NRXN3: variants seen among roughly 807,000 people sequenced by gnomAD.
NRXN3 encodes the protein neurexin III.
NRXN3 carries 32 observed loss-of-function variants against 137.6 expected under a neutral mutation model. The observed-to-expected ratio is 0.23, with a 90% CI of 0.18 to 0.31. The LOEUF (loss-of-function observed/expected upper bound fraction) is 0.31. NRXN3 is among the 10% of genes least tolerant of loss of function. NRXN3 has a pLI of 1.00. For missense variants in NRXN3, 1,574 were observed against 2,062.5 expected, an observed-to-expected ratio of 0.76 and a Z score of 4.59; for synonymous variants, 798 against 784.5, an observed-to-expected ratio of 1.02 and a Z score of -0.29.
chr14:78,938,881 G>A (rs901578281), intron 10 of NRXN3, among the ~76,000 whole-genome samples: 1 of 129,306 alleles, frequency 7.7e-6, no homozygotes, highest in African/African-American at 3.4e-5. Context: ...GAGTCTCGCT[G>A]TCGCCCAGGC....
chr14:79,319,486 A>G (rs1230570128), intron 15 of NRXN3, among the ~76,000 whole-genome samples: 1 of 152,192 alleles, frequency 6.6e-6, no homozygotes, highest in Non-Finnish European at 1.5e-5. Flanking sequence ...TAAATTAACA[A>G]TTAGCATTTA....
intron 15 of NRXN3, among the ~76,000 whole-genome samples, chr14:79,365,803 G>T (rs546147855): frequency 3.4e-5 from 5 of 147,880 alleles, no homozygotes; most frequent in Non-Finnish European, 5.9e-5. Context: ...GGCACAAATT[G>T]CACTAATAAC....
chr14:79,501,572 A>T (rs1005093332), intron 16 of NRXN3, among the ~76,000 whole-genome samples: 4 of 152,182 alleles, frequency 2.6e-5, no homozygotes, highest in Non-Finnish European at 5.9e-5. Context: ...CCTGATAGCT[A>T]CAAAAATGAG....
chr14:79,170,403 A>T (rs1430324293), intron 15 of NRXN3, among the ~76,000 whole-genome samples: 3 of 152,122 alleles, frequency 2.0e-5, no homozygotes, highest in Admixed American at 2.0e-4. Context: ...CTAGATATAC[A>T]TGTGTCCATA....
intron 3 of NRXN3, among the ~76,000 whole-genome samples, chr14:78,290,187 G>A (rs1294166362): frequency 6.6e-6 from 1 of 152,170 alleles, no homozygotes; most frequent in Non-Finnish European, 1.5e-5. Context: ...TTTTATTCTG[G>A]TAGGTAGAGG....
At chr14:78,832,345 G>A (rs2098984848) in intron 10 of NRXN3, among the ~76,000 whole-genome samples, 1 of 152,160 alleles carries the variant, frequency 6.6e-6, no homozygotes, top group African/African-American at 2.4e-5. Context: ...TTACTACTTA[G>A]CTGGATGTTT....
At chr14:78,299,973 C>A (rs545014114) in intron 4 of NRXN3, among the ~76,000 whole-genome samples, 8 of 152,258 alleles carry the variant, frequency 5.3e-5, no homozygotes, top group African/African-American at 1.9e-4. Context: ...GACTGCATTC[C>A]TCTTCCTTTC....
chr14:79,568,311 GA>G (rs1406796485), intron 16 of NRXN3, among the ~76,000 whole-genome samples: 1 of 152,158 alleles, frequency 6.6e-6, no homozygotes, highest in Non-Finnish European at 1.5e-5. Flanking sequence ...GGAAATCACT[GA>G]GTTGAAACTT....
intron 15 of NRXN3, among the ~76,000 whole-genome samples, chr14:79,083,021 C>T (rs2047367383): frequency 6.6e-6 from 1 of 152,142 alleles, no homozygotes; most frequent in Non-Finnish European, 1.5e-5. Flanking sequence ...ATTGATACAA[C>T]ATTTTTTCTG....
chr14:78,530,075 C>T (rs1360193105), intron 4 of NRXN3, among the ~76,000 whole-genome samples: 2 of 152,014 alleles, frequency 1.3e-5, no homozygotes, highest in African/African-American at 2.4e-5. Context: ...GGCCAAAAGC[C>T]CCACATTTCA....
intron 15 of NRXN3, among the ~76,000 whole-genome samples, chr14:79,303,557 A>G (rs715697): frequency 0.024 from 3,706 of 152,144 alleles, 94 homozygotes; most frequent in South Asian, 0.078. Context: ...TATTTTTTAG[A>G]CATCATGTCA....
At chr14:78,561,899 A>G (rs2096789550) in intron 4 of NRXN3, among the ~76,000 whole-genome samples, 1 of 152,198 alleles carries the variant, frequency 6.6e-6, no homozygotes, top group South Asian at 2.1e-4. Flanking sequence ...CCAAGGAGGC[A>G]TAGGAGTTTA....
At chr14:79,766,101 A>C (rs575841756) in intron 19 of NRXN3, among the ~76,000 whole-genome samples, 1 of 152,328 alleles carries the variant, frequency 6.6e-6, no homozygotes, top group South Asian at 2.1e-4. Flanking sequence ...CTATTGTTGA[A>C]TACTTGATCT....
chr14:78,311,589 C>A (rs1567226896), intron 4 of NRXN3, among the ~76,000 whole-genome samples: 1 of 152,146 alleles, frequency 6.6e-6, no homozygotes, highest in East Asian at 1.9e-4. Flanking sequence ...TAGTGTATTT[C>A]ATGTGTGGCC....
chr14:79,260,242 A>G (rs924402160), intron 15 of NRXN3, among the ~76,000 whole-genome samples: 4 of 152,198 alleles, frequency 2.6e-5, no homozygotes, highest in African/African-American at 9.7e-5. Context: ...ATTATATTTT[A>G]TAAGACTCAC....
chr14:78,486,983 T>C (rs1003320764), intron 4 of NRXN3, among the ~76,000 whole-genome samples: 2 of 152,156 alleles, frequency 1.3e-5, no homozygotes, highest in Non-Finnish European at 2.9e-5. Flanking sequence ...GAATGAGACC[T>C]ATAAGAATCA....
At chr14:79,030,635 CTTTTTTTTTT>C in intron 15 of NRXN3, among the ~76,000 whole-genome samples, 2 of 54,234 alleles carry the variant, frequency 3.7e-5, no homozygotes, top group Admixed American at 2.3e-4. Flanking sequence ...TTCTCTGTGT[CTTTTTTTTTT>C]TTTTTTTTTT....
At chr14:79,215,389 G>A (rs2153228819) in intron 15 of NRXN3, among the ~76,000 whole-genome samples, 1 of 145,006 alleles carries the variant, frequency 6.9e-6, no homozygotes, top group South Asian at 2.3e-4. Flanking sequence ...TGTGGAGTTG[G>A]GGTGTGTGTG....
chr14:78,659,262 G>A (rs1036774297), intron 6 of NRXN3, among the ~76,000 whole-genome samples: 8 of 152,110 alleles, frequency 5.3e-5, no homozygotes, highest in Non-Finnish European at 1.2e-4. Flanking sequence ...CCTTGAACTT[G>A]GACTTCTAGC....
Sources: gnomAD v4.1 joint callset for allele counts (sites outside exome capture counted in the v4.1 genomes callset) on GRCh38, gnomAD v4.1.1 for gene constraint, MANE v1.5 for transcripts, NCBI Gene and HGNC (gene_info 2026-07-23, HGNC 2026-07-21) for gene names.